KLB: variants seen among roughly 807,000 people sequenced by gnomAD.
KLB encodes the protein klotho beta.
In KLB, 44 loss-of-function variants were observed where a neutral mutation model predicts 88.4. The observed-to-expected ratio is 0.50, with a 90% confidence interval of 0.39 to 0.64. The LOEUF (loss-of-function observed/expected upper bound fraction) is 0.64. Ranked by LOEUF, KLB falls within the 30% of genes least tolerant of loss-of-function variation. The pLI, the probability that KLB is intolerant of heterozygous loss-of-function variation, is 0.00. For synonymous variants in KLB, 548 were observed against 513.4 expected (o/e 1.07, Z -0.91); for missense variants, 1,137 against 1,304.8 (o/e 0.87, Z 1.98).
At chr4:39,430,216 A>G (rs2109832010) in intron 1 of KLB, among the ~76,000 whole-genome samples, 1 of 152,322 alleles carries the variant, frequency 6.6e-6, no homozygotes, top group South Asian at 2.1e-4. Flanking sequence ...CTCACAATCC[A>G]GGCTACACGG....
Position 39,407,033 on chromosome 4 carries a change from T to C in KLB, c.84T>C (p.Asn28=), listed in dbSNP as rs751424967. 1.9e-6 allele frequency: 3 copies of C among 1,614,008 alleles called. No individual in the cohort carries two copies. The highest frequency in any genetic ancestry group is 2.5e-6 in the Non-Finnish European group (3 of 1,179,978). ...STDEITTRYR[N]TMSNGGLQRS... ...ATGAAATAACCACACGCTATAGGAA[T>C]ACAATGTCCAACGGGGGATTGCAAA... Residue 28 remains asparagine, a synonymous_variant, in exon 1 of 5, where the codon AAT becomes AAC. Transcript: ENST00000257408.
chr4:39,442,392 T>G (rs1743619222), intron 3 of KLB, among the ~76,000 whole-genome samples: 1 of 152,042 alleles, frequency 6.6e-6, no homozygotes, highest in Non-Finnish European at 1.5e-5. Context: ...ACTGACTGAC[T>G]GTTAACATGC....
At chr4:39,409,256 G>A (rs2109816407) in intron 1 of KLB, among the ~76,000 whole-genome samples, 1 of 150,908 alleles carries the variant, frequency 6.6e-6, no homozygotes, top group Non-Finnish European at 1.5e-5. Context: ...GCATACAAAA[G>A]TTAGAAAAAT....
At chr4:39,412,757 A>C (rs1336297109) in intron 1 of KLB, among the ~76,000 whole-genome samples, 2 of 152,202 alleles carry the variant, frequency 1.3e-5, no homozygotes, top group Non-Finnish European at 2.9e-5. Context: ...CTTTCAAAGG[A>C]GAGACAATTT....
intron 1 of KLB, among the ~76,000 whole-genome samples, chr4:39,419,503 G>T (rs1057465037): frequency 2.0e-5 from 3 of 152,166 alleles, no homozygotes; most frequent in Non-Finnish European, 4.4e-5. Context: ...GCCGAGCACG[G>T]TGGCTCACGC....
rs35397824 is a variant in KLB at position 39,431,091 on chromosome 4, ATTTTT to A, written c.826-3104_826-3100del. Among the ~76,000 whole-genome samples, 118 of 114,678 alleles carry A rather than the reference ATTTTT, an allele frequency of 1.0e-3. 1 individual carries two copies. Among genetic ancestry groups the A allele is most frequent in the African/African-American group, 3.6e-3 (116 of 31,844 alleles). 75.2% of individuals were successfully genotyped at this position (114,678 alleles called of 152,430 possible). A position where few individuals can be genotyped will look rare whatever the true frequency, so the allele number is the denominator to read the frequency against. On this transcript the variant is annotated intron_variant, in intron 1 of 4. Coordinates refer to ENST00000257408, the MANE Select transcript of KLB (RefSeq NM_175737.4). ...ATCACCATGCCTGGCTAATTTTTGT[ATTTTT>A]TTTTTTTTTTTTTTGTAGATACGGG...
rs543346361 is a variant in KLB, at chr4:39,421,746, C to G, written c.826-12464C>G. Among the ~76,000 whole-genome samples, 9 of 151,124 alleles carry G rather than the reference C, an allele frequency of 6.0e-5. No individual in the cohort carries two copies. In the South Asian group the frequency reaches 1.3e-3, roughly 21 times the overall value. On this transcript the variant is annotated intron_variant, in intron 1 of 4. Coordinates refer to ENST00000257408, the MANE Select transcript of KLB (RefSeq NM_175737.4). Reference sequence around the variant, plus strand: ...CTCCAGCCTGGGCAACAGAGCAACACTCCGTCAAAAAAAAAAAAAAGACAA... The same window carrying G: ...CTCCAGCCTGGGCAACAGAGCAACAGTCCGTCAAAAAAAAAAAAAAGACAA...
At position 39,447,198 on chromosome 4, in the gene KLB, C is replaced by T. The variant is rs1743771951; in HGVS notation, c.2472C>T (p.Asn824=). The change falls in exon 4 of 5, where the codon AAC becomes AAT. Residue 824 remains asparagine (N), a synonymous_variant. Transcript: ENST00000257408. ...GCACGGTCGACTTCTGCGCGCTCAACCACTTCACCACTAGGTTCGTGATGC... is the reference window on the plus strand; with the variant it reads ...GCACGGTCGACTTCTGCGCGCTCAATCACTTCACCACTAGGTTCGTGATGC... ...LKGTVDFCAL[N]HFTTRFVMHE... is the part of the protein sequence containing the mutation. The T allele has an allele frequency of 6.2e-7, 1 of 1,614,028 alleles. No individual in the cohort carries two copies. The highest frequency in any genetic ancestry group is 1.6e-4 in the Middle Eastern group (1 of 6,062).
At chr4:39,417,460 T>A (rs1450179322) in intron 1 of KLB, among the ~76,000 whole-genome samples, 1 of 152,120 alleles carries the variant, frequency 6.6e-6, no homozygotes, top group African/African-American at 2.4e-5. Context: ...ATTACAGGCA[T>A]ACACCGCCAC....
At chr4:39,409,295 CTTTT>C (rs59119086) in intron 1 of KLB, among the ~76,000 whole-genome samples, 17 of 140,474 alleles carry the variant, frequency 1.2e-4, no homozygotes, top group Admixed American at 1.4e-4. Context: ...TTTTAATTTT[CTTTT>C]TTTTTTTTTT....
rs56130063 is a variant in KLB at position 39,407,369 on chromosome 4, C to G, written c.420C>G (p.Ala140=). The change falls in exon 1 of 5, where the codon GCC becomes GCG. Residue 140 remains alanine (A), a synonymous_variant. Transcript: ENST00000257408. ...TTTTTCTGGAAAAAGACTTATCAGC[C>G]CTGGATTTTATAGGAGTTTCTTTTT... ...SYIFLEKDLS[A]LDFIGVSFYQ... is the part of the protein sequence containing the mutation. 8.7e-4 allele frequency: 1,404 copies of G among 1,613,962 alleles called. 21 individuals are homozygous for G. In the East Asian group the frequency reaches 0.028, roughly 32 times the overall value.
rs1743899109 is a variant in KLB, at chr4:39,451,472, TA to T, written c.*2788del. On this transcript the variant is annotated 3_prime_UTR_variant, in exon 5 of 5. Transcript: ENST00000257408. ...GGCCAGTACAGTGTGACTACATGTTTAATTTTCAATGTAATTTATTCCAAAT... is the reference window on the plus strand; with the variant it reads ...GGCCAGTACAGTGTGACTACATGTTTATTTTCAATGTAATTTATTCCAAAT... 6.6e-6 allele frequency: 1 copy of T among 152,272 alleles called. No homozygotes were observed. The highest frequency in any genetic ancestry group is 2.4e-5 in the African/African-American group (1 of 41,472). The allele number at this position is 152,272 out of a possible 1,614,324, so 9.4% of individuals were successfully genotyped here.
At position 39,448,915 on chromosome 4, in the gene KLB, A is replaced by C; in HGVS notation, c.*229A>C. On this transcript the variant is annotated 3_prime_UTR_variant, in exon 5 of 5. Coordinates refer to ENST00000257408, the MANE Select transcript of KLB (RefSeq NM_175737.4). ...AAAGGCTTCATCCTGACAGTAAGCTATGAGGATTACATGCTACATTGCTTC... is the reference window on the plus strand; with the variant it reads ...AAAGGCTTCATCCTGACAGTAAGCTCTGAGGATTACATGCTACATTGCTTC... 2 of 498,508 alleles carry C rather than the reference A, an allele frequency of 4.0e-6. No individual in the cohort carries two copies. Among genetic ancestry groups the C allele is most frequent in the Non-Finnish European group, 7.1e-6 (2 of 281,744 alleles). The allele number at this position is 498,508 out of a possible 1,614,324, so 30.9% of individuals were successfully genotyped here. A position where few individuals can be genotyped will look rare whatever the true frequency, so the allele number is the denominator to read the frequency against.
At position 39,430,383 on chromosome 4, in the gene KLB, T is replaced by C. The variant is rs551423531; in HGVS notation, c.826-3827T>C. ...AATTCCCTCCTTTGAATCCTAGTAATTTATGACTGCTTTTGTTTCTAATTA... is the reference window on the plus strand; with the variant it reads ...AATTCCCTCCTTTGAATCCTAGTAACTTATGACTGCTTTTGTTTCTAATTA... On this transcript the variant is annotated intron_variant, in intron 1 of 4. Coordinates refer to ENST00000257408, the MANE Select transcript of KLB (RefSeq NM_175737.4). 2.1e-5 allele frequency among the ~76,000 whole-genome samples: 3 copies of C among 140,352 alleles called. No individual in the cohort carries two copies. The South Asian group carries it at 7.0e-4, about 33-fold the overall frequency. The allele number at this position is 140,352 out of a possible 152,430, so 92.1% of individuals were successfully genotyped here.
At position 39,447,024 on chromosome 4, in the gene KLB, G is replaced by A. The variant is rs140355451; in HGVS notation, c.2298G>A (p.Gln766=). The change falls in exon 4 of 5, where the codon CAG becomes CAA. Residue 766 remains glutamine, a synonymous_variant. Transcript: ENST00000257408. Reference sequence around the variant, plus strand: ...GGAGGGCGGCCGAGCGCTTCCTGCAGTTCGAGATCGCCTGGTTCGCCGAGC... The same window carrying A: ...GGAGGGCGGCCGAGCGCTTCCTGCAATTCGAGATCGCCTGGTTCGCCGAGC... ...SHWRAAERFL[Q]FEIAWFAEPL... 9.2e-5 allele frequency: 148 copies of A among 1,611,322 alleles called. No homozygotes were observed. Among genetic ancestry groups the A allele is most frequent in the Non-Finnish European group, 1.2e-4 (147 of 1,179,976 alleles).
intron 1 of KLB, among the ~76,000 whole-genome samples, chr4:39,409,769 CA>C (rs1742800662): frequency 6.6e-6 from 1 of 151,318 alleles, no homozygotes; most frequent in Admixed American, 6.6e-5. Flanking sequence ...ACTGAAAACA[CA>C]AAAATTAACT....
chr4:39,431,575 T>C (rs1001242351), intron 1 of KLB, among the ~76,000 whole-genome samples: 1 of 152,334 alleles, frequency 6.6e-6, no homozygotes, highest in South Asian at 2.1e-4. Flanking sequence ...TTAAGGATCC[T>C]TGGGAATACC....
rs992407250 is a variant in KLB, at chr4:39,451,027, C to T, written c.*2341C>T. ...AGAGCTTATGCTTAAAGCATGCCCC[C>T]CTTTTCTAACTTGCTGGTTTACCAT... On this transcript the variant is annotated 3_prime_UTR_variant, in exon 5 of 5. Transcript: ENST00000257408. The T allele has an allele frequency of 3.9e-5, 6 of 152,192 alleles. No homozygotes were observed. Among genetic ancestry groups the T allele is most frequent in the South Asian group, 2.1e-4 (1 of 4,830 alleles). 9.4% of individuals were successfully genotyped at this position (152,192 alleles called of 1,614,324 possible).
intron 3 of KLB, among the ~76,000 whole-genome samples, chr4:39,441,254 T>C (rs1743590884): frequency 6.6e-6 from 1 of 152,206 alleles, no homozygotes; most frequent in Non-Finnish European, 1.5e-5. Flanking sequence ...CTTCAGCTTG[T>C]GTCCCCTCCA....
Sources: gnomAD v4.1 joint callset for allele counts (sites outside exome capture counted in the v4.1 genomes callset) on GRCh38, gnomAD v4.1.1 for gene constraint, MANE v1.5 for transcripts, NCBI Gene and HGNC (gene_info 2026-07-23, HGNC 2026-07-21) for gene names.